The following FHIP1A variants were observed in gnomAD, a reference collection of about 807,000 sequenced individuals.
FHIP1A encodes FHF complex subunit HOOK interacting protein 1A, also known as FHF complex subunit HOOK-interacting protein 1A.
In FHIP1A, 61 loss-of-function variants were observed where a neutral mutation model predicts 88.6. The ratio of observed to expected loss-of-function variants is 0.69; its 90% CI spans 0.56 to 0.85. The LOEUF is 0.85. Among genes scored for constraint, FHIP1A ranks in the 40% least tolerant of loss-of-function variants. FHIP1A has a pLI of 0.00. For synonymous variants in FHIP1A, 478 were observed against 496.0 expected (o/e 0.96, Z 0.48); for missense variants, 1,154 against 1,273.5 (o/e 0.91, Z 1.43).
At chr4:151,496,248 T>TA (rs1471383283) in intron 3 of FHIP1A, among the ~76,000 whole-genome samples, 33 of 148,740 alleles carry the variant, frequency 2.2e-4, no homozygotes, top group South Asian at 8.3e-4. Flanking sequence ...TATATATATT[T>TA]TTATATATAT....
At chr4:151,521,204 T>C (rs964791163) in intron 3 of FHIP1A, among the ~76,000 whole-genome samples, 1 of 152,210 alleles carries the variant, frequency 6.6e-6, no homozygotes, top group Non-Finnish European at 1.5e-5. Context: ...ATGTAACAAT[T>C]TATCCACTTA....
intron 7 of FHIP1A, among the ~76,000 whole-genome samples, chr4:151,623,210 A>C (rs1225324867): frequency 6.6e-6 from 1 of 152,188 alleles, no homozygotes; most frequent in African/African-American, 2.4e-5. Flanking sequence ...GATTAGAATC[A>C]GGTTTAGATT....
chr4:151,660,049 G>A (rs1174292563), intron 13 of FHIP1A, among the ~76,000 whole-genome samples: 1 of 152,174 alleles, frequency 6.6e-6, no homozygotes, highest in Non-Finnish European at 1.5e-5. Context: ...GTAGGTAATG[G>A]CCCCAGTTTA....
intron 9 of FHIP1A, among the ~76,000 whole-genome samples, chr4:151,641,963 G>A (rs1422805549): frequency 6.6e-6 from 1 of 152,206 alleles, no homozygotes; most frequent in African/African-American, 2.4e-5. Context: ...AATAAATAAT[G>A]ACTGTATGTC....
intron 3 of FHIP1A, among the ~76,000 whole-genome samples, chr4:151,547,798 C>T (rs1176767565): frequency 6.6e-6 from 1 of 152,088 alleles, no homozygotes; most frequent in Non-Finnish European, 1.5e-5. Flanking sequence ...CTTGTAATCC[C>T]AGCTACTCGG....
chr4:151,614,943 T>C (rs562485374), intron 7 of FHIP1A, among the ~76,000 whole-genome samples: 3 of 152,314 alleles, frequency 2.0e-5, no homozygotes, highest in African/African-American at 2.4e-5. Context: ...TTCACCTCTT[T>C]CTGTGGTTTC....
chr4:151,501,927 G>T (rs868151516), intron 3 of FHIP1A, among the ~76,000 whole-genome samples: 2 of 151,376 alleles, frequency 1.3e-5, no homozygotes, highest in Admixed American at 6.6e-5. Context: ...AACAGAAATG[G>T]ACAGAAACTA....
intron 1 of FHIP1A, among the ~76,000 whole-genome samples, chr4:151,442,825 T>C (rs986854578): frequency 6.6e-6 from 1 of 152,216 alleles, no homozygotes; most frequent in Non-Finnish European, 1.5e-5. Flanking sequence ...CTTTTTGTTA[T>C]ATACTTTGAG....
chr4:151,655,979 A>G (rs1737216402), intron 11 of FHIP1A, among the ~76,000 whole-genome samples: 1 of 152,152 alleles, frequency 6.6e-6, no homozygotes, highest in Non-Finnish European at 1.5e-5. Context: ...GATAATTTTA[A>G]TAAGTATCAA....
Position 151,638,735 on chromosome 4 carries a change from T to G in FHIP1A, c.1205T>G (p.Val402Gly). The G allele has an allele frequency of 6.5e-7, 1 of 1,549,276 alleles. No individual in the cohort carries two copies. The highest frequency in any genetic ancestry group is 1.4e-5 in the African/African-American group (1 of 73,118). The change falls in exon 9 of 14, where the codon GTG becomes GGG. Residue 402 changes from valine (V) to glycine (G), a missense_variant. Val to Gly is a moderately radical substitution (Grantham distance 109). Coordinates refer to ENST00000435205, the MANE Select transcript of FHIP1A (RefSeq NM_001109977.3). ...CTCATTGGTTTACATTGTGAAGATG[T>G]GATGTTACAGCTAGTTCTAAGGTGA... is the stretch of plus-strand genomic sequence containing the variant. ...RTLIGLHCED[V>G]MLQLVLRYLI...
intron 3 of FHIP1A, among the ~76,000 whole-genome samples, chr4:151,540,462 ATAAG>A (rs1480531082): frequency 2.6e-5 from 4 of 152,346 alleles, no homozygotes; most frequent in Middle Eastern, 3.4e-3. Context: ...ATACTTAAAT[ATAAG>A]TAAGTATACA....
chr4:151,664,027 T>C lies in FHIP1A; in HGVS notation c.*1273T>C, dbSNP rs1441228656. On this transcript the variant is annotated 3_prime_UTR_variant, in exon 14 of 14. Coordinates refer to ENST00000435205, the MANE Select transcript of FHIP1A (RefSeq NM_001109977.3). ...CCACCAAGAGGGGAAAACAGAATAA[T>C]TGTGAGCTGAAAATGAGACCATAAA... 1.3e-5 allele frequency among the ~76,000 whole-genome samples: 2 copies of C among 152,198 alleles called. No homozygotes were observed. The highest frequency in any genetic ancestry group is 2.9e-5 in the Non-Finnish European group (2 of 68,028).
At chr4:151,553,558 G>A (rs1185003046) in intron 3 of FHIP1A, among the ~76,000 whole-genome samples, 6 of 151,782 alleles carry the variant, frequency 4.0e-5, no homozygotes, top group East Asian at 1.9e-4. Flanking sequence ...TATTTCTATC[G>A]TGTATTAGAA....
At chr4:151,455,566 C>T (rs60077220) in intron 2 of FHIP1A, among the ~76,000 whole-genome samples, 17,178 of 152,152 alleles carry the variant, frequency 0.11, 1,017 homozygotes, top group East Asian at 0.14. Context: ...TGAGGTGTGG[C>T]CCACCCCCCA....
Position 151,650,086 on chromosome 4 carries a change from G to C in FHIP1A, c.2045G>C (p.Gly682Ala). The C allele has an allele frequency of 2.6e-6, 4 of 1,551,598 alleles. No individual in the cohort carries two copies. The highest frequency in any genetic ancestry group is 3.5e-6 in the Non-Finnish European group (4 of 1,146,980). The change falls in exon 11 of 14, where the codon GGC (glycine) becomes GCC (alanine). Residue 682 changes from glycine to alanine, a missense_variant. Coordinates refer to ENST00000435205, the MANE Select transcript of FHIP1A (RefSeq NM_001109977.3). The stretch of plus-strand genomic sequence containing the variant: ...GTTCAGAGTGTCCCCATCAACAACG[G>C]CCCCCTCCTCAGCACCCAGCCAGAG... ...AEVQSVPINN[G>A]PLLSTQPETD...
rs572880683 is a variant in FHIP1A at position 151,527,385 on chromosome 4, G to A, written c.-122-38753G>A. Among the ~76,000 whole-genome samples, 221 of 152,346 alleles carry A rather than the reference G, an allele frequency of 1.5e-3. 5 individuals carry two copies. The highest frequency in any genetic ancestry group is 1.5e-3 in the Non-Finnish European group (100 of 68,040). On this transcript the variant is annotated intron_variant, in intron 3 of 13. Transcript: ENST00000435205. ...AAAAAAATATGAAAACCAGTCAGGC[G>A]TGGCGGCGCACACCTGCAGTCGCAG...
At chr4:151,591,145 A>G (rs916011503) in intron 7 of FHIP1A, among the ~76,000 whole-genome samples, 1 of 151,076 alleles carries the variant, frequency 6.6e-6, no homozygotes, top group Non-Finnish European at 1.5e-5. Context: ...GGAGCAGGCC[A>G]GGGAAGGAGA....
At chr4:151,633,779 A>G (rs2126883656) in intron 8 of FHIP1A, among the ~76,000 whole-genome samples, 1 of 152,088 alleles carries the variant, frequency 6.6e-6, no homozygotes, top group East Asian at 1.9e-4. Context: ...GCACTCAACA[A>G]ACTAGAAATA....
At chr4:151,615,734 C>A (rs1456035740) in intron 7 of FHIP1A, among the ~76,000 whole-genome samples, 1 of 152,112 alleles carries the variant, frequency 6.6e-6, no homozygotes, top group Non-Finnish European at 1.5e-5. Context: ...TGTGTACATC[C>A]TGCTGTTTAA....
Sources: allele counts gnomAD v4.1 joint callset (sites outside exome capture counted in the v4.1 genomes callset), GRCh38; gene constraint gnomAD v4.1.1; transcripts MANE v1.5; gene names NCBI Gene and HGNC (gene_info 2026-07-23, HGNC 2026-07-21).